Variants in TANC2 observed in about 807,000 individuals in gnomAD.
TANC2 encodes the protein protein TANC2.
Under a neutral mutation model 210.5 loss-of-function variants are expected in TANC2, and 26 were observed. The observed-to-expected ratio is 0.12, with a 90% CI of 0.09 to 0.17. The LOEUF is 0.17. TANC2 is among the 10% of genes least tolerant of loss of function. TANC2 has a pLI of 1.00. For synonymous variants in TANC2, 931 were observed against 967.1 expected (o/e 0.96, Z 0.69); for missense variants, 2,129 against 2,608.9 (o/e 0.82, Z 4.01).
chr17:63,090,745 A>T (rs2037155127), intron 3 of TANC2, among the ~76,000 whole-genome samples: 1 of 152,192 alleles, frequency 6.6e-6, no homozygotes. Flanking sequence ...GCTGGGTCAA[A>T]TGGTATTTCT....
At chr17:63,208,434 C>G (rs994674918) in intron 7 of TANC2, among the ~76,000 whole-genome samples, 1 of 152,154 alleles carries the variant, frequency 6.6e-6, no homozygotes, top group Non-Finnish European at 1.5e-5. Flanking sequence ...CGCTATAAGT[C>G]TTGATACTTG....
chr17:62,978,765 A>T (rs2032155374), intron 1 of TANC2: 1 of 152,080 alleles, frequency 6.6e-6, no homozygotes, highest in Non-Finnish European at 1.5e-5. Flanking sequence ...CATTCCTTAG[A>T]ATCTGAATGT....
At chr17:63,091,832 TC>T (rs779932671) in intron 3 of TANC2, among the ~76,000 whole-genome samples, 3 of 152,342 alleles carry the variant, frequency 2.0e-5, no homozygotes, top group East Asian at 1.9e-4. Context: ...TATTGATTCT[TC>T]CTATCCATGA....
chr17:63,001,694 G>A (rs1325635281), intron 1 of TANC2, among the ~76,000 whole-genome samples: 1 of 151,870 alleles, frequency 6.6e-6, no homozygotes, highest in African/African-American at 2.4e-5. Flanking sequence ...ACAGGTGCAT[G>A]CCAGCATGCC....
At chr17:63,344,174 G>T (rs2046327062) in intron 12 of TANC2, among the ~76,000 whole-genome samples, 2 of 152,188 alleles carry the variant, frequency 1.3e-5, no homozygotes, top group Admixed American at 6.5e-5. Context: ...TGTGAACTAT[G>T]CGTGCAAGGG....
intron 2 of TANC2, among the ~76,000 whole-genome samples, chr17:63,037,214 A>G (rs1272362852): frequency 6.6e-6 from 1 of 152,152 alleles, no homozygotes; most frequent in Non-Finnish European, 1.5e-5. Context: ...ACGGGCATGT[A>G]GGGTATACAG....
At chr17:63,374,282 C>T (rs2047361742) in intron 14 of TANC2, among the ~76,000 whole-genome samples, 1 of 152,128 alleles carries the variant, frequency 6.6e-6, no homozygotes, top group Admixed American at 6.5e-5. Flanking sequence ...GAGCGACCCT[C>T]CCACCTTGGC....
At chr17:63,368,711 T>G (rs2047179185) in intron 14 of TANC2, among the ~76,000 whole-genome samples, 1 of 152,148 alleles carries the variant, frequency 6.6e-6, no homozygotes, top group Non-Finnish European at 1.5e-5. Context: ...ATAGAATGAT[T>G]GGTAGCAGAA....
intron 21 of TANC2, among the ~76,000 whole-genome samples, chr17:63,410,091 T>A (rs905554451): frequency 2.6e-5 from 4 of 152,226 alleles, no homozygotes; most frequent in Non-Finnish European, 5.9e-5. Flanking sequence ...TATGTATACA[T>A]TGTGGAATGG....
At chr17:63,377,823 G>A (rs2047474310) in intron 14 of TANC2, among the ~76,000 whole-genome samples, 1 of 152,176 alleles carries the variant, frequency 6.6e-6, no homozygotes, top group African/African-American at 2.4e-5. Context: ...AGATTTCGTT[G>A]ACTCACATGG....
In TANC2 at chr17:63,225,206, G is replaced by T. The variant is rs1339684510; in HGVS notation, c.770-12608G>T. ...CCTCCATATAGATCGAGCCAATAATGATTGTTAGTTCTTATTACAGTTAAT... is the reference window on the plus strand; with the variant it reads ...CCTCCATATAGATCGAGCCAATAATTATTGTTAGTTCTTATTACAGTTAAT... On this transcript the variant is annotated intron_variant, in intron 7 of 27. Transcript: ENST00000689528. Among the ~76,000 whole-genome samples, 6 of 152,140 alleles carry T rather than the reference G, an allele frequency of 3.9e-5. No homozygotes were observed. The East Asian group carries it at 9.6e-4, about 24-fold the overall frequency.
chr17:63,130,785 A>G (rs969436044), intron 4 of TANC2: 1 of 152,210 alleles, frequency 6.6e-6, no homozygotes, highest in Non-Finnish European at 1.5e-5. Flanking sequence ...CTGAGAATTT[A>G]AAGCTCTGAT....
intron 25 of TANC2, among the ~76,000 whole-genome samples, chr17:63,414,624 C>T (rs2048803708): frequency 6.6e-6 from 1 of 152,158 alleles, no homozygotes; most frequent in South Asian, 2.1e-4. Flanking sequence ...ATATGCAGTG[C>T]CATTATTGTT....
intron 5 of TANC2, among the ~76,000 whole-genome samples, chr17:63,183,861 C>A (rs903624622): frequency 5.9e-5 from 9 of 152,014 alleles, no homozygotes; most frequent in Non-Finnish European, 1.5e-5. Flanking sequence ...ACGAAAAATA[C>A]AAAAAATTAG....
chr17:62,994,991 C>A (rs767397281), intron 1 of TANC2, among the ~76,000 whole-genome samples: 3 of 152,144 alleles, frequency 2.0e-5, no homozygotes, highest in Non-Finnish European at 4.4e-5. Context: ...TCTTTTATAT[C>A]TTCTTGAAAG....
At chr17:63,220,712 AAAAAAAAATATAT>A (rs1424765786) in intron 7 of TANC2, among the ~76,000 whole-genome samples, 5 of 141,230 alleles carry the variant, frequency 3.5e-5, no homozygotes, top group Non-Finnish European at 4.6e-5. Context: ...TCAAAAAAAA[AAAAAAAAATATAT>A]ATATATATAT....
intron 4 of TANC2, among the ~76,000 whole-genome samples, chr17:63,119,795 C>T (rs1242972306): frequency 6.6e-6 from 1 of 152,030 alleles, no homozygotes; most frequent in Admixed American, 6.6e-5. Context: ...TGGGAAGATC[C>T]CTTGAGGCCA....
At chr17:63,247,529 C>T (rs1472888174) in intron 8 of TANC2, among the ~76,000 whole-genome samples, 1 of 151,476 alleles carries the variant, frequency 6.6e-6, no homozygotes, top group East Asian at 1.9e-4. Context: ...TAAATTGTTA[C>T]ATCTGTAGAC....
chr17:63,184,974 G>A (rs1262717994), intron 5 of TANC2, among the ~76,000 whole-genome samples: 2 of 150,858 alleles, frequency 1.3e-5, no homozygotes, highest in Non-Finnish European at 3.0e-5. Context: ...TCAGTAATAC[G>A]GTTTTTTTTT....
Sources: gnomAD v4.1 joint callset for allele counts (sites outside exome capture counted in the v4.1 genomes callset) on GRCh38, gnomAD v4.1.1 for gene constraint, MANE v1.5 for transcripts, NCBI Gene and HGNC (gene_info 2026-07-23, HGNC 2026-07-21) for gene names.